Variants in SND1 observed in about 807,000 individuals in gnomAD.
The protein encoded by SND1 is staphylococcal nuclease and tudor domain containing 1, also known as staphylococcal nuclease domain-containing protein 1.
In SND1, 38 loss-of-function variants were observed where a neutral mutation model predicts 121.7. The ratio of observed to expected loss-of-function variants is 0.31; its 90% CI spans 0.24 to 0.41. The LOEUF (loss-of-function observed/expected upper bound fraction) is 0.41, where lower values mean the gene tolerates loss of function less well. Ranked by LOEUF, SND1 falls within the 10% of genes least tolerant of loss-of-function variation. The probability of loss-of-function intolerance (pLI) is 1.00; values close to 1 mark genes in which losing one functional copy is unlikely to be tolerated. For missense variants in SND1, 868 were observed against 1,184.6 expected (o/e 0.73, Z 3.92); for synonymous variants, 401 against 447.4 (o/e 0.90, Z 1.31).
intron 10 of SND1, among the ~76,000 whole-genome samples, chr7:127,805,282 C>G (rs910201824): frequency 6.6e-6 from 1 of 152,166 alleles, no homozygotes; most frequent in South Asian, 2.1e-4. Flanking sequence ...TCATATCCTT[C>G]CCATTAGACA....
rs1796161729 is a variant in SND1, at chr7:127,704,848, A to G, written c.850A>G (p.Ile284Val). The G allele has an allele frequency of 6.2e-7, 1 of 1,613,964 alleles. No individual in the cohort carries two copies. Among genetic ancestry groups the G allele is most frequent in the Non-Finnish European group, 8.5e-7 (1 of 1,179,866 alleles). ...GTACCTTGTTTTTCAGAATGGCAAC[A>G]TCACAGAGCTCCTCCTGAAGGAAGG... ...LGTILHPNGNITELLLKEGFA... is the reference protein window; with the variant it reads ...LGTILHPNGNVTELLLKEGFA... The change falls in exon 8 of 24, where the codon ATC becomes GTC. Residue 284 changes from isoleucine to valine, a missense_variant. This residue lies in a region of SND1 where 743 missense variants were observed against 1,071.3 expected (regional missense o/e 0.69). Transcript: ENST00000354725.
chr7:127,842,519 C>A (rs1798982667), intron 11 of SND1, among the ~76,000 whole-genome samples: 1 of 152,168 alleles, frequency 6.6e-6, no homozygotes, highest in South Asian at 2.1e-4. Context: ...TCTAAGGATT[C>A]ATCTAGTCCA....
chr7:127,705,888 C>T (rs997838960), intron 8 of SND1, among the ~76,000 whole-genome samples: 13 of 152,266 alleles, frequency 8.5e-5, no homozygotes, highest in African/African-American at 1.9e-4. Context: ...AGATGTGCAA[C>T]GACGTGAATG....
At chr7:127,995,048 T>C (rs1435105733) in intron 16 of SND1, among the ~76,000 whole-genome samples, 1 of 152,170 alleles carries the variant, frequency 6.6e-6, no homozygotes, top group Non-Finnish European at 1.5e-5. Context: ...TTTCATGTAT[T>C]GTCTATAACT....
chr7:127,963,225 A>AT (rs1801773666), intron 15 of SND1, among the ~76,000 whole-genome samples: 1 of 151,292 alleles, frequency 6.6e-6, no homozygotes, highest in South Asian at 2.1e-4. Flanking sequence ...GTACCCAGAG[A>AT]TAAGACTAGA....
rs528227881 is a variant in SND1 at position 127,832,309 on chromosome 7, T to C, written c.1243-12015T>C. 3.9e-5 allele frequency among the ~76,000 whole-genome samples: 6 copies of C among 152,282 alleles called. No individual in the cohort carries two copies. In the East Asian group the frequency reaches 9.6e-4, roughly 24 times the overall value. On this transcript the variant is annotated intron_variant, in intron 11 of 23. Coordinates refer to ENST00000354725, the MANE Select transcript of SND1 (RefSeq NM_014390.4). ...TGCTGGGTTAAAGGACATCCACATA[T>C]TAAATGTTAGTAGAATTGCCAGCCT...
intron 13 of SND1, among the ~76,000 whole-genome samples, chr7:127,895,493 C>A (rs946437720): frequency 1.3e-5 from 2 of 152,038 alleles, no homozygotes; most frequent in Non-Finnish European, 1.5e-5. Context: ...GAAATGCACA[C>A]CCCACCCTAC....
At chr7:127,812,970 T>G (rs1420002185) in intron 11 of SND1, among the ~76,000 whole-genome samples, 1 of 152,256 alleles carries the variant, frequency 6.6e-6, no homozygotes, top group Non-Finnish European at 1.5e-5. Context: ...TCATTCATGC[T>G]ATGGAAAAGT....
At chr7:127,769,602 C>T (rs1488350248) in intron 10 of SND1, among the ~76,000 whole-genome samples, 1 of 151,880 alleles carries the variant, frequency 6.6e-6, no homozygotes, top group East Asian at 1.9e-4. Flanking sequence ...TCTGTTTATT[C>T]CATGTATCTT....
intron 12 of SND1, among the ~76,000 whole-genome samples, chr7:127,882,455 G>T (rs1197863770): frequency 1.4e-5 from 2 of 148,118 alleles, no homozygotes; most frequent in Non-Finnish European, 3.0e-5. Context: ...GGAAGAGAGG[G>T]GAGAGGAGAG....
At chr7:128,007,762 G>A (rs1349226728) in intron 16 of SND1, among the ~76,000 whole-genome samples, 7 of 152,194 alleles carry the variant, frequency 4.6e-5, no homozygotes, top group African/African-American at 1.7e-4. Context: ...AGCATTGAGT[G>A]CAAAGATAAA....
At chr7:128,031,404 G>T (rs1336513584) in intron 16 of SND1, 2 of 151,674 alleles carry the variant, frequency 1.3e-5, no homozygotes, top group Non-Finnish European at 2.9e-5. Flanking sequence ...TCCCGGCGTC[G>T]GCCGCTCCGG....
intron 11 of SND1, among the ~76,000 whole-genome samples, chr7:127,839,052 A>G (rs1023935621): frequency 2.0e-5 from 3 of 152,212 alleles, no homozygotes; most frequent in Admixed American, 1.3e-4. Context: ...GCTCCTTTCT[A>G]GAATTGCTGG....
intron 10 of SND1, among the ~76,000 whole-genome samples, chr7:127,756,244 C>T (rs995078260): frequency 6.6e-6 from 1 of 152,010 alleles, no homozygotes; most frequent in Non-Finnish European, 1.5e-5. Context: ...TTTCAGTTTG[C>T]GGCCTTTGAT....
At chr7:127,994,535 C>T (rs905690683) in intron 16 of SND1, among the ~76,000 whole-genome samples, 14 of 96,176 alleles carry the variant, frequency 1.5e-4, no homozygotes, top group African/African-American at 6.0e-4. Context: ...TCTCAAATGA[C>T]GATCACTTTT....
intron 1 of SND1, among the ~76,000 whole-genome samples, chr7:127,657,738 CCTT>C (rs1263290106): frequency 2.0e-5 from 3 of 152,038 alleles, no homozygotes; most frequent in Admixed American, 6.6e-5. Flanking sequence ...ACTCAAGTGA[CCTT>C]CTCCACTCTG....
At chr7:127,765,837 T>G (rs1300198267) in intron 10 of SND1, among the ~76,000 whole-genome samples, 1 of 152,240 alleles carries the variant, frequency 6.6e-6, no homozygotes, top group Non-Finnish European at 1.5e-5. Context: ...TATAAGATCA[T>G]ATTTTGACCC....
intron 15 of SND1, among the ~76,000 whole-genome samples, chr7:127,955,528 T>C (rs1201283643): frequency 6.6e-6 from 1 of 152,128 alleles, no homozygotes; most frequent in East Asian, 1.9e-4. Context: ...CACGTGGTTA[T>C]GCAGAGAGAC....
chr7:127,656,293 T>A (rs1205573667), intron 1 of SND1, among the ~76,000 whole-genome samples: 1 of 151,934 alleles, frequency 6.6e-6, no homozygotes, highest in Non-Finnish European at 1.5e-5. Context: ...TTTCTTAGGT[T>A]TCTTTCTTTT....
Sources: gnomAD v4.1 joint callset for allele counts (sites outside exome capture counted in the v4.1 genomes callset) on GRCh38, gnomAD v4.1.1 for gene constraint, gnomAD v4.1.1 regional missense constraint, MANE v1.5 for transcripts, NCBI Gene and HGNC (gene_info 2026-07-23, HGNC 2026-07-21) for gene names.